WWOX: variants seen among roughly 807,000 people sequenced by gnomAD.
The protein encoded by WWOX is WW domain containing oxidoreductase, also known as WW domain-containing oxidoreductase.
A neutral mutation model predicts 46.2 loss-of-function variants in WWOX; 69 were observed. The ratio of observed to expected loss-of-function variants is 1.49; its 90% CI spans 1.23 to 1.82. The LOEUF is 1.82. Ranked by LOEUF, WWOX falls within the 40% of genes most tolerant of loss-of-function variation. The pLI is 0.00. For missense variants in WWOX, 919 were observed against 542.6 expected, an observed-to-expected ratio of 1.69 and a Z score of -6.89; for synonymous variants, 359 against 202.6, an observed-to-expected ratio of 1.77 and a Z score of -6.56.
chr16:79,136,121 G>C (rs985854340), intron 8 of WWOX, among the ~76,000 whole-genome samples: 3 of 152,084 alleles, frequency 2.0e-5, no homozygotes, highest in African/African-American at 7.2e-5. Flanking sequence ...TCCAAAGCTA[G>C]TCAACGTCCA....
At chr16:78,407,757 A>G (rs2082582528) in intron 6 of WWOX, among the ~76,000 whole-genome samples, 1 of 152,196 alleles carries the variant, frequency 6.6e-6, no homozygotes, top group Admixed American at 6.5e-5. Flanking sequence ...CTGTAGACCA[A>G]ATGCCATAAG....
intron 8 of WWOX, among the ~76,000 whole-genome samples, chr16:79,081,533 A>G (rs2048760324): frequency 6.6e-6 from 1 of 152,196 alleles, no homozygotes. Flanking sequence ...GTACTTTGGA[A>G]TCAAACATTC....
At chr16:78,580,683 G>A (rs2045029264) in intron 8 of WWOX, among the ~76,000 whole-genome samples, 1 of 152,198 alleles carries the variant, frequency 6.6e-6, no homozygotes, top group African/African-American at 2.4e-5. Flanking sequence ...CAGAGTATAT[G>A]AAAAATTTGA....
chr16:79,044,340 G>T (rs928960360), intron 8 of WWOX, among the ~76,000 whole-genome samples: 1 of 152,192 alleles, frequency 6.6e-6, no homozygotes, highest in South Asian at 2.1e-4. Context: ...AATCTGCAGC[G>T]TTGGAGGTGG....
intron 8 of WWOX, among the ~76,000 whole-genome samples, chr16:78,558,003 T>C (rs930431406): frequency 2.6e-5 from 4 of 152,148 alleles, no homozygotes; most frequent in Non-Finnish European, 4.4e-5. Flanking sequence ...TGCTGCTTTT[T>C]CAGAGCCTGG....
chr16:78,615,201 A>C (rs2045992642), intron 8 of WWOX, among the ~76,000 whole-genome samples: 1 of 151,820 alleles, frequency 6.6e-6, no homozygotes, highest in Non-Finnish European at 1.5e-5. Flanking sequence ...CATTCTAGAA[A>C]CTCTCTGTTT....
intron 8 of WWOX, among the ~76,000 whole-genome samples, chr16:78,488,197 T>A (rs2084686990): frequency 1.3e-5 from 2 of 152,292 alleles, no homozygotes; most frequent in Admixed American, 1.3e-4. Context: ...GATGGGTCTT[T>A]GTTTAGAGGA....
intron 8 of WWOX, among the ~76,000 whole-genome samples, chr16:79,069,270 A>C (rs903808402): frequency 2.0e-5 from 3 of 152,212 alleles, no homozygotes; most frequent in African/African-American, 7.2e-5. Context: ...TAGAGTTGCC[A>C]GTTCTCTTAC....
At chr16:78,340,017 T>TGGGCGGG (rs1555522669) in intron 5 of WWOX, among the ~76,000 whole-genome samples, 6 of 6,794 alleles carry the variant, frequency 8.8e-4, no homozygotes, top group African/African-American at 2.4e-3. Flanking sequence ...ATGGATTTGG[T>TGGGCGGG]GGGGGGGGGG....
At chr16:78,226,071 G>T (rs750267199) in intron 5 of WWOX, among the ~76,000 whole-genome samples, 2 of 152,184 alleles carry the variant, frequency 1.3e-5, no homozygotes, top group Non-Finnish European at 2.9e-5. Context: ...CTTGGTGAAT[G>T]AAAGCATATA....
rs67180105 is a variant in WWOX, at chr16:79,002,213, CTTTTTTTTTT to C, written c.1057-209377_1057-209368del. 2.0e-3 allele frequency among the ~76,000 whole-genome samples: 81 copies of C among 41,346 alleles called. 2 individuals carry two copies. The highest frequency in any genetic ancestry group is 7.6e-3 in the African/African-American group (77 of 10,122). 27.1% of individuals were successfully genotyped at this position (41,346 alleles called of 152,430 possible). A position where few individuals can be genotyped will look rare whatever the true frequency, so the allele number is the denominator to read the frequency against. On this transcript the variant is annotated intron_variant, in intron 8 of 8. Coordinates refer to ENST00000566780, the MANE Select transcript of WWOX (RefSeq NM_016373.4). ...ATTTAGATTTCCTTGGGTGTCCTGC[CTTTTTTTTTT>C]TTTTTTTTTTTTTTTTTGAGATGGA...
chr16:78,179,222 GC>G (rs1261554160), intron 5 of WWOX, among the ~76,000 whole-genome samples: 1 of 152,196 alleles, frequency 6.6e-6, no homozygotes, highest in Non-Finnish European at 1.5e-5. Flanking sequence ...CCTTTGCTTT[GC>G]AGGGACAGCA....
rs538421115 is a variant in WWOX at position 79,110,320 on chromosome 16, C to G, written c.1057-101288C>G. On this transcript the variant is annotated intron_variant, in intron 8 of 8. Transcript: ENST00000566780. ...CTCTTCTCCTCTTACCTTTTTCTCC[C>G]CGACATGCCCCTGCCAACCTCCCCC... 2.0e-3 allele frequency among the ~76,000 whole-genome samples: 308 copies of G among 152,232 alleles called. 3 individuals are homozygous for G. The highest frequency in any genetic ancestry group is 7.1e-3 in the African/African-American group (293 of 41,544).
intron 8 of WWOX, among the ~76,000 whole-genome samples, chr16:78,534,924 G>T (rs1308482287): frequency 6.6e-6 from 1 of 151,962 alleles, no homozygotes; most frequent in Non-Finnish European, 1.5e-5. Flanking sequence ...ATGGTGGCCG[G>T]GATGGTCTCG....
chr16:78,661,466 A>G (rs767646749), intron 8 of WWOX, among the ~76,000 whole-genome samples: 2 of 152,194 alleles, frequency 1.3e-5, no homozygotes, highest in Non-Finnish European at 2.9e-5. Flanking sequence ...GCTTAATACA[A>G]AGTGGGATTG....
chr16:79,084,451 C>T (rs569652247), intron 8 of WWOX, among the ~76,000 whole-genome samples: 14 of 152,188 alleles, frequency 9.2e-5, no homozygotes, highest in South Asian at 4.2e-4. Context: ...GATGGAGTCT[C>T]GCTCTGTTGC....
intron 8 of WWOX, among the ~76,000 whole-genome samples, chr16:79,099,015 A>T (rs932971603): frequency 6.6e-6 from 1 of 152,124 alleles, no homozygotes; most frequent in Non-Finnish European, 1.5e-5. Context: ...GGAGGGCCTC[A>T]GGCTGCTTTC....
intron 8 of WWOX, among the ~76,000 whole-genome samples, chr16:78,712,571 G>A (rs749120883): frequency 2.4e-4 from 37 of 151,948 alleles, no homozygotes; most frequent in Non-Finnish European, 4.4e-4. Flanking sequence ...ATTGTGTGAT[G>A]CTCATTTTGA....
intron 8 of WWOX, among the ~76,000 whole-genome samples, chr16:79,107,625 C>A (rs935452584): frequency 1.3e-5 from 2 of 152,214 alleles, no homozygotes; most frequent in Non-Finnish European, 2.9e-5. Context: ...CAGATCTCCA[C>A]TGAAACCCCA....
Sources: allele counts gnomAD v4.1 joint callset (sites outside exome capture counted in the v4.1 genomes callset), GRCh38; gene constraint gnomAD v4.1.1; transcripts MANE v1.5; gene names NCBI Gene and HGNC (gene_info 2026-07-23, HGNC 2026-07-21).